RABGAP1L: variants seen among roughly 807,000 people sequenced by gnomAD.
RABGAP1L encodes rab GTPase-activating protein 1-like.
RABGAP1L carries 63 observed loss-of-function variants against 137.7 expected under a neutral mutation model. The observed-to-expected ratio is 0.46, with a 90% CI of 0.37 to 0.56. The LOEUF (loss-of-function observed/expected upper bound fraction) is 0.56. Among genes scored for constraint, RABGAP1L ranks in the 20% least tolerant of loss-of-function variants. RABGAP1L has a pLI of 0.00. For missense variants in RABGAP1L, 1,095 were observed against 1,244.0 expected, an observed-to-expected ratio of 0.88 and a Z score of 1.80; for synonymous variants, 431 against 433.7, an observed-to-expected ratio of 0.99 and a Z score of 0.08.
chr1:174,697,252 G>A (rs1338904903), intron 15 of RABGAP1L, among the ~76,000 whole-genome samples: 1 of 152,062 alleles, frequency 6.6e-6, no homozygotes, highest in Non-Finnish European at 1.5e-5. Context: ...CAGATGGTAA[G>A]ACATTTACTT....
chr1:174,441,949 A>C (rs554867073), intron 13 of RABGAP1L, among the ~76,000 whole-genome samples: 1 of 151,948 alleles, frequency 6.6e-6, no homozygotes, highest in African/African-American at 2.4e-5. Flanking sequence ...AGCATGTGCA[A>C]TTATCAATTA....
In RABGAP1L at chr1:174,650,371, G is replaced by C. The variant is rs561471720; in HGVS notation, c.1824+12883G>C. Among the ~76,000 whole-genome samples, 593 of 152,124 alleles carry C rather than the reference G, an allele frequency of 3.9e-3. 4 individuals carry two copies. The highest frequency in any genetic ancestry group is 0.017 in the Admixed American group (252 of 15,264). On this transcript the variant is annotated intron_variant, in intron 14 of 25. Coordinates refer to ENST00000681986, the MANE Select transcript of RABGAP1L (RefSeq NM_001366446.1). Reference sequence around the variant, plus strand: ...CATAAAATGAGTTAGGGAGGATTCCGTCTTTTTCTATTGATTGGAATAGTT... The same window carrying C: ...CATAAAATGAGTTAGGGAGGATTCCCTCTTTTTCTATTGATTGGAATAGTT...
chr1:174,886,902 G>A (rs897038916), intron 19 of RABGAP1L, among the ~76,000 whole-genome samples: 1 of 151,920 alleles, frequency 6.6e-6, no homozygotes, highest in African/African-American at 2.4e-5. Context: ...CGCCTTCCAG[G>A]TTCAAGCAAT....
chr1:174,181,586 C>T (rs1220127886), intron 1 of RABGAP1L, among the ~76,000 whole-genome samples: 1 of 152,154 alleles, frequency 6.6e-6, no homozygotes, highest in Admixed American at 6.5e-5. Flanking sequence ...ATCTGCCCAC[C>T]TCGGCCTCCC....
At chr1:174,956,401 C>T (rs928428737) in intron 19 of RABGAP1L, among the ~76,000 whole-genome samples, 6 of 152,086 alleles carry the variant, frequency 3.9e-5, no homozygotes, top group Admixed American at 2.0e-4. Flanking sequence ...TTTTATACTA[C>T]GCTGTGCTTA....
intron 19 of RABGAP1L, among the ~76,000 whole-genome samples, chr1:174,832,020 C>A (rs1293441040): frequency 6.8e-6 from 1 of 147,734 alleles, no homozygotes; most frequent in Non-Finnish European, 1.5e-5. Context: ...AGGCTAGGTG[C>A]GGTGGTTCAT....
intron 17 of RABGAP1L, among the ~76,000 whole-genome samples, chr1:174,736,008 A>G (rs1431200809): frequency 6.6e-6 from 1 of 152,220 alleles, no homozygotes; most frequent in Non-Finnish European, 1.5e-5. Context: ...TATCCAGCCC[A>G]TGTCATTCTA....
chr1:174,458,752 G>C (rs939498079), intron 13 of RABGAP1L, among the ~76,000 whole-genome samples: 1 of 151,898 alleles, frequency 6.6e-6, no homozygotes, highest in African/African-American at 2.4e-5. Flanking sequence ...CTTTAAGCAT[G>C]GAGTCAGTAA....
rs200430317 is a variant in RABGAP1L, at chr1:174,250,610, G to A, written c.853G>A (p.Asp285Asn). ...TFSVSLEVKE[D>N]DGKGNFSPVP... ...CAGTGTCTCCTTGGAGGTAAAAGAA[G>A]ACGATGGAAAAGGAAACTTTAGGTG... Residue 285 changes from aspartate (D) to asparagine (N), a missense_variant, in exon 6 of 26, where the codon GAC becomes AAC. By Grantham distance (23) the Asp-to-Asn change is conservative. Coordinates refer to ENST00000681986, the MANE Select transcript of RABGAP1L (RefSeq NM_001366446.1). 2 of 1,613,136 alleles carry A rather than the reference G, an allele frequency of 1.2e-6. No individual in the cohort carries two copies. Among genetic ancestry groups the A allele is most frequent in the Admixed American group, 1.7e-5 (1 of 59,790 alleles).
At chr1:174,764,762 A>G (rs1046117755) in intron 18 of RABGAP1L, among the ~76,000 whole-genome samples, 1 of 152,164 alleles carries the variant, frequency 6.6e-6, no homozygotes, top group Non-Finnish European at 1.5e-5. Flanking sequence ...GTGAGCCACT[A>G]TACCCAGTGG....
At chr1:174,307,490 T>G (rs1036920636) in intron 11 of RABGAP1L, among the ~76,000 whole-genome samples, 5 of 152,154 alleles carry the variant, frequency 3.3e-5, no homozygotes, top group Non-Finnish European at 5.9e-5. Context: ...TGGCAGCCAC[T>G]AATCTGCTTT....
intron 14 of RABGAP1L, among the ~76,000 whole-genome samples, chr1:174,659,520 C>CT (rs1463045984): frequency 2.0e-5 from 3 of 152,178 alleles, no homozygotes; most frequent in Non-Finnish European, 4.4e-5. Context: ...CTTGCAGTCA[C>CT]TTTTGCTCAT....
At chr1:174,474,397 C>G (rs562223401) in intron 13 of RABGAP1L, among the ~76,000 whole-genome samples, 1 of 152,282 alleles carries the variant, frequency 6.6e-6, no homozygotes, top group East Asian at 1.9e-4. Flanking sequence ...GTCATGATAA[C>G]TGTAGCTTTA....
At chr1:174,784,664 A>G (rs1225922813) in intron 18 of RABGAP1L, among the ~76,000 whole-genome samples, 1 of 152,220 alleles carries the variant, frequency 6.6e-6, no homozygotes, top group Non-Finnish European at 1.5e-5. Context: ...TCGGAGTTCA[A>G]AGCCAAGAAT....
chr1:174,343,246 T>G lies in RABGAP1L; in HGVS notation c.1466-27733T>G, dbSNP rs114827836. The stretch of plus-strand genomic sequence containing the variant: ...TTGAGGGTCCTATAATCATTTTCCC[T>G]TTTTATTTCCTGCTATTACAAATAT... On this transcript the variant is annotated intron_variant, in intron 11 of 25. Transcript: ENST00000681986. Among the ~76,000 whole-genome samples, 441 of 152,342 alleles carry G rather than the reference T, an allele frequency of 2.9e-3. 4 individuals are homozygous for G. The highest frequency in any genetic ancestry group is 1.0e-2 in the African/African-American group (414 of 41,574).
intron 13 of RABGAP1L, among the ~76,000 whole-genome samples, chr1:174,580,803 G>C (rs1668688941): frequency 6.6e-6 from 1 of 152,048 alleles, no homozygotes; most frequent in South Asian, 2.1e-4. Flanking sequence ...TGAGTATTCG[G>C]AATATATCAA....
intron 13 of RABGAP1L, among the ~76,000 whole-genome samples, chr1:174,479,251 G>A (rs1658826127): frequency 1.3e-5 from 2 of 152,150 alleles, no homozygotes; most frequent in Admixed American, 6.5e-5. Flanking sequence ...AGAAAGTATG[G>A]GTTACATCTA....
At position 174,539,060 on chromosome 1, in the gene RABGAP1L, C is replaced by T. The variant is rs527796614; in HGVS notation, c.1711-98315C>T. On this transcript the variant is annotated intron_variant, in intron 13 of 25. Coordinates refer to ENST00000681986, the MANE Select transcript of RABGAP1L (RefSeq NM_001366446.1). The stretch of plus-strand genomic sequence containing the variant: ...TAAAGGGTGATTTGAACTTAAGTTT[C>T]CTCATTTATCATTCAGAATAATAAG... Among the ~76,000 whole-genome samples the T allele has an allele frequency of 1.2e-3, 177 of 152,158 alleles. 1 individual carries two copies. The highest frequency in any genetic ancestry group is 4.2e-3 in the African/African-American group (173 of 41,526).
chr1:174,327,956 A>AAT (rs1180255952), intron 11 of RABGAP1L, among the ~76,000 whole-genome samples: 3,491 of 97,370 alleles, frequency 0.036, 100 homozygotes, highest in Non-Finnish European at 0.046. Context: ...AACAGTTGTA[A>AAT]ATATATATAT....
Sources: gnomAD v4.1 joint callset for allele counts (sites outside exome capture counted in the v4.1 genomes callset) on GRCh38, gnomAD v4.1.1 for gene constraint, MANE v1.5 for transcripts, NCBI Gene and HGNC (gene_info 2026-07-23, HGNC 2026-07-21) for gene names.